The following MOXD1 variants were observed in gnomAD, a reference collection of about 807,000 sequenced individuals.
MOXD1 encodes the protein DBH-like monooxygenase protein 1.
Under a neutral mutation model 66.6 loss-of-function variants are expected in MOXD1, and 62 were observed. That is an observed-to-expected ratio of 0.93 (90% CI 0.76 to 1.15). The LOEUF (loss-of-function observed/expected upper bound fraction) is 1.15, where lower values mean the gene tolerates loss of function less well. MOXD1 is among the 50% of genes most tolerant of loss of function. The probability of loss-of-function intolerance (pLI) is 0.00; values close to 1 mark genes in which losing one functional copy is unlikely to be tolerated. For synonymous variants in MOXD1, 303 were observed against 281.9 expected, an observed-to-expected ratio of 1.07 and a Z score of -0.75; for missense variants, 847 against 754.6, an observed-to-expected ratio of 1.12 and a Z score of -1.44.
chr6:132,303,701 G>A (rs1167980963), intron 10 of MOXD1, among the ~76,000 whole-genome samples: 7 of 67,470 alleles, frequency 1.0e-4, no homozygotes, highest in African/African-American at 4.9e-4. Context: ...AGGGCTGACT[G>A]TATACATACA....
In MOXD1 at chr6:132,297,774, A is replaced by T. The variant is rs1774441591; in HGVS notation, c.1677+13T>A. On this transcript the variant is annotated intron_variant, in intron 11 of 11. Transcript: ENST00000367963. ...TGTGTCATCTGGGTTGTCAGAGGTT[A>T]AAAAGAGCTTACCGACCACTCAGCA... 1.3e-6 allele frequency: 2 copies of T among 1,581,216 alleles called. No homozygotes were observed. Among genetic ancestry groups the T allele is most frequent in the Admixed American group, 1.9e-5 (1 of 51,576 alleles).
chr6:132,334,739 A>G (rs73546028), intron 4 of MOXD1, among the ~76,000 whole-genome samples: 8,924 of 152,268 alleles, frequency 0.059, 535 homozygotes, highest in African/African-American at 0.15. Flanking sequence ...TCCACTCTGT[A>G]GCTGCCTGAG....
intron 4 of MOXD1, among the ~76,000 whole-genome samples, chr6:132,343,574 C>CA (rs911065365): frequency 0.021 from 2,783 of 134,508 alleles, 100 homozygotes; most frequent in African/African-American, 0.071. Flanking sequence ...GACCCTGTAT[C>CA]AAAAAAAAAA....
chr6:132,376,240 T>G (rs1038428485), intron 1 of MOXD1, among the ~76,000 whole-genome samples: 1 of 152,224 alleles, frequency 6.6e-6, no homozygotes, highest in Non-Finnish European at 1.5e-5. Context: ...TAAAATTGTA[T>G]TTGAAGAATT....
intron 8 of MOXD1, among the ~76,000 whole-genome samples, chr6:132,320,978 A>C (rs1775066477): frequency 6.6e-6 from 1 of 152,136 alleles, no homozygotes; most frequent in Non-Finnish European, 1.5e-5. Context: ...AATTGTTCTT[A>C]TTTTTGGCCC....
At chr6:132,315,147 A>C (rs1320136302) in intron 10 of MOXD1, among the ~76,000 whole-genome samples, 1 of 152,220 alleles carries the variant, frequency 6.6e-6, no homozygotes, top group Admixed American at 6.5e-5. Flanking sequence ...TGGTAGGCAG[A>C]GACCACCTAT....
intron 1 of MOXD1, among the ~76,000 whole-genome samples, chr6:132,381,032 A>G (rs1776498013): frequency 6.6e-6 from 1 of 152,234 alleles, no homozygotes; most frequent in Admixed American, 6.5e-5. Flanking sequence ...TTTTAAATAA[A>G]TAAGAAAAAA....
At chr6:132,350,600 C>T (rs564595953) in intron 4 of MOXD1, among the ~76,000 whole-genome samples, 22 of 152,180 alleles carry the variant, frequency 1.4e-4, no homozygotes, top group South Asian at 8.3e-4. Context: ...TTTGGCTATG[C>T]AGGCTCTTTT....
intron 1 of MOXD1, among the ~76,000 whole-genome samples, chr6:132,393,457 G>A (rs1364827633): frequency 6.6e-6 from 1 of 152,232 alleles, no homozygotes; most frequent in Non-Finnish European, 1.5e-5. Context: ...GCTGGGATCA[G>A]CTGGGAGCCC....
intron 4 of MOXD1, among the ~76,000 whole-genome samples, chr6:132,335,990 C>A (rs1436929422): frequency 6.6e-6 from 1 of 152,128 alleles, no homozygotes; most frequent in African/African-American, 2.4e-5. Context: ...TTATACTCAG[C>A]AATATGTGAG....
intron 1 of MOXD1, among the ~76,000 whole-genome samples, chr6:132,400,885 G>A (rs1261732719): frequency 6.6e-6 from 1 of 152,074 alleles, no homozygotes; most frequent in East Asian, 1.9e-4. Flanking sequence ...GTGTAGGCGG[G>A]GGGGCGTCTA....
chr6:132,354,728 AGC>A (rs776563472), intron 4 of MOXD1, among the ~76,000 whole-genome samples: 3 of 152,160 alleles, frequency 2.0e-5, no homozygotes, highest in Non-Finnish European at 4.4e-5. Context: ...AAGAGTATAT[AGC>A]GTTTGTCTTC....
At chr6:132,389,116 A>G (rs1177680075) in intron 1 of MOXD1, among the ~76,000 whole-genome samples, 1 of 151,040 alleles carries the variant, frequency 6.6e-6, no homozygotes, top group South Asian at 2.2e-4. Flanking sequence ...ATAGCTCACT[A>G]CAGCCTCAAA....
intron 10 of MOXD1, among the ~76,000 whole-genome samples, chr6:132,310,662 T>C (rs1245965983): frequency 6.6e-6 from 1 of 152,066 alleles, no homozygotes; most frequent in Non-Finnish European, 1.5e-5. Context: ...AATACTATGA[T>C]GCCACAAAAA....
At position 132,401,439 on chromosome 6, in the gene MOXD1, C is replaced by T; in HGVS notation, c.-13G>A. Reference sequence around the variant, plus strand: ...GCCAGCAGCACATCCTCGGGCGCCTCCTGCCCGCCGGTACCGGCCTCCAGC... The same window carrying T: ...GCCAGCAGCACATCCTCGGGCGCCTTCTGCCCGCCGGTACCGGCCTCCAGC... On this transcript the variant is annotated 5_prime_UTR_variant, in exon 1 of 12. Transcript: ENST00000367963. 1 of 1,460,436 alleles carries T rather than the reference C, an allele frequency of 6.8e-7. No individual in the cohort carries two copies. Among genetic ancestry groups the T allele is most frequent in the Non-Finnish European group, 9.0e-7 (1 of 1,111,472 alleles). 90.5% of individuals were successfully genotyped at this position (1,460,436 alleles called of 1,614,324 possible). A position where few individuals can be genotyped will look rare whatever the true frequency, so the allele number is the denominator to read the frequency against.
At chr6:132,359,321 G>T in intron 4 of MOXD1, among the ~76,000 whole-genome samples, 2 of 151,884 alleles carry the variant, frequency 1.3e-5, no homozygotes, top group Admixed American at 1.3e-4. Flanking sequence ...GGGTGGTCTC[G>T]AATTCTCCTC....
At chr6:132,312,817 A>T (rs1428374719) in intron 10 of MOXD1, among the ~76,000 whole-genome samples, 2 of 151,904 alleles carry the variant, frequency 1.3e-5, no homozygotes, top group African/African-American at 2.4e-5. Flanking sequence ...TAAAAAAAAA[A>T]AATAGGCCAT....
intron 1 of MOXD1, among the ~76,000 whole-genome samples, chr6:132,392,840 A>T (rs1425679648): frequency 6.6e-6 from 1 of 152,204 alleles, no homozygotes; most frequent in Non-Finnish European, 1.5e-5. Flanking sequence ...TTGCGGAAAT[A>T]TCTCCAGAAG....
chr6:132,303,938 T>A (rs1290495647), intron 10 of MOXD1, among the ~76,000 whole-genome samples: 1 of 144,044 alleles, frequency 6.9e-6, no homozygotes, highest in African/African-American at 2.6e-5. Flanking sequence ...ATCCAATCCA[T>A]TCTCATTTTT....
Sources: allele counts gnomAD v4.1 joint callset (sites outside exome capture counted in the v4.1 genomes callset), GRCh38; gene constraint gnomAD v4.1.1; transcripts MANE v1.5; gene names NCBI Gene and HGNC (gene_info 2026-07-23, HGNC 2026-07-21).